The following MRTO4 variants were observed in gnomAD, a reference collection of about 807,000 sequenced individuals.
MRTO4 encodes the protein MRT4 homolog, ribosome maturation factor, also known as mRNA turnover protein 4 homolog.
A neutral mutation model predicts 28.6 loss-of-function variants in MRTO4; 7 were observed. The ratio of observed to expected loss-of-function variants is 0.24; its 90% confidence interval spans 0.14 to 0.46. The LOEUF (loss-of-function observed/expected upper bound fraction) is 0.46, where lower values mean the gene tolerates loss of function less well. Among genes scored for constraint, MRTO4 ranks in the 20% least tolerant of loss-of-function variants. The pLI is 0.99. For missense variants in MRTO4, 302 were observed against 298.3 expected (o/e 1.01, Z -0.09); for synonymous variants, 113 against 108.2 (o/e 1.04, Z -0.27).
chr1:19,257,458 G>A lies in MRTO4; in HGVS notation c.278G>A (p.Ser93Asn), dbSNP rs774802300. The A allele has an allele frequency of 3.1e-6, 5 of 1,614,234 alleles. No individual in the cohort carries two copies. The South Asian group carries it at 3.3e-5, about 11-fold the overall frequency. ...GTCCTCACTCCTGATTTGTAGGTCAGCAAAAGGTTGAGGGGTGAGGTGGGT... is the reference window on the plus strand; with the variant it reads ...GTCCTCACTCCTGATTTGTAGGTCAACAAAAGGTTGAGGGGTGAGGTGGGT... ...DEYKDNLHQV[S>N]KRLRGEVGLL... is the part of the protein sequence containing the mutation. The change falls in exon 5 of 8, where the codon AGC becomes AAC. Residue 93 changes from serine (S) to asparagine (N), a missense_variant. Ser to Asn is a conservative substitution (Grantham distance 46). Transcript: ENST00000330263.
At chr1:19,257,547 A>G (rs968454463) in intron 5 of MRTO4, 26 bp downstream of exon 5, 48 of 1,613,170 alleles carry the variant, frequency 3.0e-5, no homozygotes, top group Non-Finnish European at 4.1e-5. Context: ...GAACGGAGGG[A>G]AAGAGGCGGG....
Position 19,258,703 on chromosome 1 carries a change from C to G in MRTO4, c.593C>G (p.Ala198Gly). 6.2e-7 allele frequency: 1 copy of G among 1,614,162 alleles called. No homozygotes were observed. The highest frequency in any genetic ancestry group is 8.5e-7 in the Non-Finnish European group (1 of 1,180,028). Residue 198 changes from alanine to glycine, a missense_variant, in exon 8 of 8, where the codon GCT becomes GGT. By Grantham distance (60) the Ala-to-Gly change is moderately conservative. Transcript: ENST00000330263. Reference sequence around the variant, plus strand: ...CAGAAGCTTTTTGGGTATGAGATGGCTGAATTCAAGGTGACCATCAAATAC... The same window carrying G: ...CAGAAGCTTTTTGGGTATGAGATGGGTGAATTCAAGGTGACCATCAAATAC... The part of the protein sequence containing the change: ...RVLKLFGYEM[A>G]EFKVTIKYMW...
chr1:19,259,901 A>G lies in MRTO4; in HGVS notation c.*1071A>G, dbSNP rs190468063. The stretch of plus-strand genomic sequence containing the variant: ...GGTAGATTTTTGTCCACCTTGTTCT[A>G]TTTGCTTTTGTTTGTTTTTGATTTT... On this transcript the variant is annotated 3_prime_UTR_variant, in exon 8 of 8. Transcript: ENST00000330263. 3 of 151,884 alleles carry G rather than the reference A, an allele frequency of 2.0e-5. No homozygotes were observed. Among genetic ancestry groups the G allele is most frequent in the South Asian group, 2.1e-4 (1 of 4,824 alleles). 9.4% of individuals were successfully genotyped at this position (151,884 alleles called of 1,614,324 possible). A position where few individuals can be genotyped will look rare whatever the true frequency, so the allele number is the denominator to read the frequency against.
intron 1 of MRTO4, 130 bp from the exon 2 acceptor site, chr1:19,254,652 A>G: frequency 1.3e-6 from 1 of 787,060 alleles, no homozygotes; most frequent in Non-Finnish European, 2.2e-6. Flanking sequence ...GATGGCCACA[A>G]AGGCCTTGCT....
At chr1:19,251,939 G>A in intron 1 of MRTO4, 76 bp downstream of exon 1, 1 of 1,530,038 alleles carries the variant, frequency 6.5e-7, no homozygotes, top group Non-Finnish European at 8.8e-7. Flanking sequence ...GGGCTTCGGG[G>A]CGGCGGGGGC....
Position 19,259,195 on chromosome 1 carries a change from G to C in MRTO4, c.*365G>C, listed in dbSNP as rs1483753440. ...CAGGAGAATCACTTGAACCCGGGAG[G>C]TGGAGGTTGCCGTGAGTTGAGATTG... On this transcript the variant is annotated 3_prime_UTR_variant, in exon 8 of 8. Coordinates refer to ENST00000330263, the MANE Select transcript of MRTO4 (RefSeq NM_016183.4). 1 of 173,932 alleles carries C rather than the reference G, an allele frequency of 5.7e-6. No individual in the cohort carries two copies. The highest frequency in any genetic ancestry group is 2.4e-5 in the African/African-American group (1 of 41,994). 10.8% of individuals were successfully genotyped at this position (173,932 alleles called of 1,614,324 possible). A position where few individuals can be genotyped will look rare whatever the true frequency, so the allele number is the denominator to read the frequency against.
chr1:19,253,074 GA>G (rs2093665546), intron 1 of MRTO4, among the ~76,000 whole-genome samples: 1 of 152,204 alleles, frequency 6.6e-6, no homozygotes, highest in Admixed American at 6.5e-5. Context: ...CAGTCACAAG[GA>G]AAGCCTATTT....
intron 1 of MRTO4, 81 bp from the exon 2 acceptor site, chr1:19,254,701 C>A: frequency 8.4e-7 from 1 of 1,195,498 alleles, no homozygotes; most frequent in Non-Finnish European, 1.2e-6. Context: ...TGAGTGCTCT[C>A]TGCCAAAGGG....
At chr1:19,255,057 T>C (rs2093669420) in intron 2 of MRTO4, among the ~76,000 whole-genome samples, 5 of 152,166 alleles carry the variant, frequency 3.3e-5, no homozygotes, top group Admixed American at 3.3e-4. Flanking sequence ...TCGTACTCTG[T>C]GCCCTGTCCT....
Position 19,258,680 on chromosome 1 carries a change from G to T in MRTO4, c.571-1G>T. The stretch of plus-strand genomic sequence containing the variant: ...TTCTTTGTTCCCTTTGTCTCTTGCA[G>T]AAGCTTTTTGGGTATGAGATGGCTG... On this transcript the variant is annotated splice_acceptor_variant, in intron 7 of 7. Coordinates refer to ENST00000330263, the MANE Select transcript of MRTO4 (RefSeq NM_016183.4). LOFTEE classifies it high-confidence loss of function. The T allele has an allele frequency of 6.2e-7, 1 of 1,614,210 alleles. No individual in the cohort carries two copies. Among genetic ancestry groups the T allele is most frequent in the South Asian group, 1.1e-5 (1 of 91,086 alleles).
Position 19,255,991 on chromosome 1 carries a change from CTG to C in MRTO4, c.134_135del (p.Val45GlyfsTer38). 6.2e-7 allele frequency: 1 copy of C among 1,614,138 alleles called. No homozygotes were observed. The highest frequency in any genetic ancestry group is 8.5e-7 in the Non-Finnish European group (1 of 1,180,038). On this transcript the variant is annotated frameshift_variant, in exon 3 of 8. Transcript: ENST00000330263. LOFTEE classifies it high-confidence loss of function. Reference sequence around the variant, plus strand: ...ACCTACAAGTACCTTTTCATCTTCTCTGTGGCCAACATGAGGAACAGCAAGCT... The same window carrying C: ...ACCTACAAGTACCTTTTCATCTTCTCTGGCCAACATGAGGAACAGCAAGCT...
intron 6 of MRTO4, 133 bp from the exon 7 acceptor site, chr1:19,258,344 A>T: frequency 9.2e-7 from 1 of 1,089,840 alleles, no homozygotes; most frequent in Non-Finnish European, 1.4e-6. Context: ...TCAGGGAGAC[A>T]GCCACTGCCC....
intron 2 of MRTO4, among the ~76,000 whole-genome samples, chr1:19,255,546 G>T (rs534816816): frequency 6.6e-6 from 1 of 152,336 alleles, no homozygotes; most frequent in Admixed American, 6.5e-5. Context: ...ACTCCTAGAG[G>T]CTGCCTCATG....
At chr1:19,258,648 C>T in intron 7 of MRTO4, 33 bp from the exon 8 acceptor site, 1 of 1,614,084 alleles carries the variant, frequency 6.2e-7, no homozygotes, top group Non-Finnish European at 8.5e-7. Flanking sequence ...ACCTTCATTC[C>T]TCCTGATTCT....
intron 6 of MRTO4, among the ~76,000 whole-genome samples, 161 bp from the exon 7 acceptor site, chr1:19,258,316 C>T (rs764072814): frequency 1.3e-5 from 2 of 152,124 alleles, no homozygotes; most frequent in Non-Finnish European, 2.9e-5. Context: ...GTCGAGGCTG[C>T]GGCAAATCAA....
intron 6 of MRTO4, among the ~76,000 whole-genome samples, chr1:19,258,204 TAA>T (rs557311316): frequency 1.4e-5 from 2 of 145,644 alleles, no homozygotes; most frequent in Non-Finnish European, 3.0e-5. Flanking sequence ...TGCGCTTGTT[TAA>T]AAAAAAAAAA....
intron 5 of MRTO4, 97 bp downstream of exon 5, chr1:19,257,618 T>C: frequency 6.7e-7 from 1 of 1,494,546 alleles, no homozygotes; most frequent in Non-Finnish European, 9.3e-7. Context: ...GGCATCAAGT[T>C]GGAACTGCTC....
At chr1:19,255,565 G>C (rs1321666201) in intron 2 of MRTO4, among the ~76,000 whole-genome samples, 1 of 152,154 alleles carries the variant, frequency 6.6e-6, no homozygotes, top group Admixed American at 6.5e-5. Flanking sequence ...TGGTGGCTTT[G>C]GCCAGCACCA....
rs2093677661 is a variant in MRTO4 at position 19,259,783 on chromosome 1, C to G, written c.*953C>G. ...ATCTGATGGATGCCAGGAAGACAGC[C>G]TTGGGCTGAGAGTGACATCACTGCA... On this transcript the variant is annotated 3_prime_UTR_variant, in exon 8 of 8. Coordinates refer to ENST00000330263, the MANE Select transcript of MRTO4 (RefSeq NM_016183.4). 1 of 152,388 alleles carries G rather than the reference C, an allele frequency of 6.6e-6. No individual in the cohort carries two copies. The highest frequency in any genetic ancestry group is 2.4e-5 in the African/African-American group (1 of 41,572). 9.4% of individuals were successfully genotyped at this position (152,388 alleles called of 1,614,324 possible).
Sources: gnomAD v4.1 joint callset for allele counts (sites outside exome capture counted in the v4.1 genomes callset) on GRCh38, gnomAD v4.1.1 for gene constraint, MANE v1.5 for transcripts, NCBI Gene and HGNC (gene_info 2026-07-23, HGNC 2026-07-21) for gene names.